PRICKLE1: variants seen among roughly 807,000 people sequenced by gnomAD.
PRICKLE1 encodes the protein prickle planar cell polarity protein 1.
A neutral mutation model predicts 70.2 loss-of-function variants in PRICKLE1; 14 were observed. The ratio of observed to expected loss-of-function variants is 0.20; its 90% CI spans 0.13 to 0.31. PRICKLE1 has a LOEUF of 0.31. PRICKLE1 is among the 10% of genes least tolerant of loss of function. The pLI is 1.00. For synonymous variants in PRICKLE1, 357 were observed against 379.9 expected, an observed-to-expected ratio of 0.94 and a Z score of 0.70; for missense variants, 821 against 1,026.2, an observed-to-expected ratio of 0.80 and a Z score of 2.73.
rs1484610269 is a variant in PRICKLE1, at chr12:42,498,174, CTCT to C, written c.-48-25613_-48-25611del. Among the ~76,000 whole-genome samples, 421 of 126,022 alleles carry C rather than the reference CTCT, an allele frequency of 3.3e-3. 4 individuals carry two copies. Among genetic ancestry groups the C allele is most frequent in the African/African-American group, 0.013 (369 of 28,584 alleles). 82.7% of individuals were successfully genotyped at this position (126,022 alleles called of 152,430 possible). A position where few individuals can be genotyped will look rare whatever the true frequency, so the allele number is the denominator to read the frequency against. On this transcript the variant is annotated intron_variant, in intron 1 of 7. Coordinates refer to ENST00000345127, the MANE Select transcript of PRICKLE1 (RefSeq NM_153026.3). ...CATTTTCTTTTTTTCTTTTCTCTCT[CTCT>C]TTTTTTTTTTTTGGAGACAGGGTCT...
At chr12:42,495,784 G>A (rs1314625147) in intron 1 of PRICKLE1, among the ~76,000 whole-genome samples, 1 of 151,878 alleles carries the variant, frequency 6.6e-6, no homozygotes, top group Non-Finnish European at 1.5e-5. Context: ...GTAGAGACGG[G>A]GTTTCACCGT....
intron 1 of PRICKLE1, among the ~76,000 whole-genome samples, chr12:42,491,780 CTT>C (rs57837176): frequency 1.4e-4 from 18 of 124,468 alleles, no homozygotes; most frequent in African/African-American, 1.5e-4. Context: ...ACTGCTCCAT[CTT>C]TTTTTTTTTT....
Position 42,458,546 on chromosome 12 carries a change from TC to T in PRICKLE1, c.*1262del, listed in dbSNP as rs1021057976. ...ACTTACAGTACTCAATGGCACAGCA[TC>T]CTCTAATTTAAAGATTTTAAAACAA... is the stretch of plus-strand genomic sequence containing the variant. On this transcript the variant is annotated 3_prime_UTR_variant, in exon 8 of 8. Transcript: ENST00000345127. 1.1e-4 allele frequency: 17 copies of T among 152,298 alleles called. No individual in the cohort carries two copies. The highest frequency in any genetic ancestry group is 4.1e-4 in the African/African-American group (17 of 41,566). 9.4% of individuals were successfully genotyped at this position (152,298 alleles called of 1,614,324 possible).
intron 1 of PRICKLE1, among the ~76,000 whole-genome samples, chr12:42,476,217 T>C (rs575710551): frequency 8.6e-5 from 13 of 151,314 alleles, no homozygotes; most frequent in Non-Finnish European, 1.8e-4. Flanking sequence ...AGTTTTGCTC[T>C]TGTTACCCAG....
chr12:42,559,449 T>C (rs1025895001), intron 1 of PRICKLE1, among the ~76,000 whole-genome samples: 1 of 151,812 alleles, frequency 6.6e-6, no homozygotes, highest in Admixed American at 6.6e-5. Context: ...GGTGCGATCA[T>C]AGATCACTAT....
At chr12:42,462,114 T>G (rs1256719289) in intron 7 of PRICKLE1, among the ~76,000 whole-genome samples, 1 of 152,174 alleles carries the variant, frequency 6.6e-6, no homozygotes, top group East Asian at 1.9e-4. Flanking sequence ...AACTTCATAC[T>G]TTTTAAAGGG....
intron 1 of PRICKLE1, among the ~76,000 whole-genome samples, chr12:42,584,166 A>C (rs1429774177): frequency 6.6e-6 from 1 of 152,194 alleles, no homozygotes; most frequent in African/African-American, 2.4e-5. Flanking sequence ...CCATTTTAAG[A>C]ATATTCTTAT....
intron 1 of PRICKLE1, among the ~76,000 whole-genome samples, chr12:42,532,578 T>C (rs1246823566): frequency 6.6e-6 from 1 of 152,210 alleles, no homozygotes; most frequent in African/African-American, 2.4e-5. Context: ...AAATTAGTAA[T>C]GAGATATTTT....
rs71794718 is a variant in PRICKLE1 at position 42,517,306 on chromosome 12, A to ATTTTTTT, written c.-48-44749_-48-44743dup. Among the ~76,000 whole-genome samples the ATTTTTTT allele has an allele frequency of 1.2e-3, 108 of 88,948 alleles. 12 individuals carry two copies. Among genetic ancestry groups the ATTTTTTT allele is most frequent in the African/African-American group, 4.0e-3 (88 of 22,190 alleles). The allele number at this position is 88,948 out of a possible 152,430, so 58.4% of individuals were successfully genotyped here. ...ACTAAATGTGTGTACTCAGTCTGCC[A>ATTTTTTT]TTTTTTTTTTTTTTTTTTTTTTTTG... On this transcript the variant is annotated intron_variant, in intron 1 of 7. Coordinates refer to ENST00000345127, the MANE Select transcript of PRICKLE1 (RefSeq NM_153026.3).
At chr12:42,559,627 T>A (rs1051055810) in intron 1 of PRICKLE1, among the ~76,000 whole-genome samples, 4,005 of 96,252 alleles carry the variant, frequency 0.042, 82 homozygotes, top group East Asian at 0.078. Flanking sequence ...TATATATATT[T>A]TTTTTTTTTG....
intron 1 of PRICKLE1, among the ~76,000 whole-genome samples, chr12:42,505,000 C>T (rs747445097): frequency 6.6e-6 from 1 of 152,006 alleles, no homozygotes; most frequent in Non-Finnish European, 1.5e-5. Context: ...ATTAGCCGAG[C>T]GTGGTGGCGG....
intron 1 of PRICKLE1, among the ~76,000 whole-genome samples, chr12:42,514,937 C>CTATCTATCTATG (rs1555235199): frequency 4.3e-5 from 6 of 139,096 alleles, no homozygotes; most frequent in Non-Finnish European, 7.9e-5. Context: ...ATCTATCTAT[C>CTATCTATCTATG]TATATTTTTT....
In PRICKLE1 at chr12:42,468,694, C is replaced by A. The variant is rs1160750296; in HGVS notation, c.520G>T (p.Asp174Tyr). The A allele has an allele frequency of 6.2e-7, 1 of 1,614,066 alleles. No homozygotes were observed. The highest frequency in any genetic ancestry group is 2.2e-5 in the East Asian group (1 of 44,876). ...LLVDLIYFYQDGKIHCGRHHA... is the reference protein window; with the variant it reads ...LLVDLIYFYQYGKIHCGRHHA... ...TGCCTGCCACAGTGAATTTTTCCAT[C>A]CTGATAAAAATAGATGAGGTCGACC... Residue 174 changes from aspartate (D) to tyrosine (Y), a missense_variant, in exon 5 of 8, where the codon GAT (aspartate) becomes TAT (tyrosine). By Grantham distance (160) the Asp-to-Tyr change is radical (BLOSUM62 -3). Transcript: ENST00000345127.
At chr12:42,466,527 G>A (rs1938104257) in intron 5 of PRICKLE1, 147 bp from the exon 6 acceptor site, 1 of 701,200 alleles carries the variant, frequency 1.4e-6, no homozygotes, top group South Asian at 1.7e-5. Context: ...AGAGTCACAA[G>A]CTTAAATCTA....
In PRICKLE1 at chr12:42,572,473, T is replaced by TA. The variant is rs1566132181; in HGVS notation, c.-49+16991dup. On this transcript the variant is annotated intron_variant, in intron 1 of 7. Transcript: ENST00000345127. ...TAAATAAATAAATAAATAAATAAATTAAAAATACTTGTTTTTAAAATAACG... is the reference window on the plus strand; with the variant it reads ...TAAATAAATAAATAAATAAATAAATTAAAAAATACTTGTTTTTAAAATAACG... Among the ~76,000 whole-genome samples the TA allele has an allele frequency of 5.4e-5, 8 of 148,170 alleles. No individual in the cohort carries two copies. In the East Asian group the frequency reaches 9.8e-4, roughly 18 times the overall value.
intron 1 of PRICKLE1, among the ~76,000 whole-genome samples, chr12:42,544,970 T>G (rs564925956): frequency 7.1e-6 from 1 of 141,490 alleles, no homozygotes; most frequent in East Asian, 2.1e-4. Context: ...AAAGAGCTCC[T>G]AGGACTACCA....
chr12:42,539,966 T>C (rs1940081936), intron 1 of PRICKLE1, among the ~76,000 whole-genome samples: 1 of 152,206 alleles, frequency 6.6e-6, no homozygotes, highest in Non-Finnish European at 1.5e-5. Context: ...CCAGTGGGCA[T>C]TCTAGGCGGT....
chr12:42,529,898 G>C (rs776919730), intron 1 of PRICKLE1, among the ~76,000 whole-genome samples: 8 of 151,188 alleles, frequency 5.3e-5, no homozygotes, highest in Admixed American at 3.3e-4. Context: ...CAAAAAAAAA[G>C]GAAAAAGGAA....
At position 42,464,701 on chromosome 12, in the gene PRICKLE1, A is replaced by T. The variant is rs751460514; in HGVS notation, c.1333T>A (p.Ser445Thr). Residue 445 changes from serine (S) to threonine (T), a missense_variant, in exon 7 of 8, where the codon TCT becomes ACT. Coordinates refer to ENST00000345127, the MANE Select transcript of PRICKLE1 (RefSeq NM_153026.3). This position sits in a 1 kb window ranked among gnomAD's most constrained non-coding sequence, Gnocchi z 4.2. The stretch of plus-strand genomic sequence containing the variant: ...GTCTTACTTTTAACCATGTTATCAG[A>T]TATCCAGTGCTCACTGGCTCGAATA... ...MDIRASEHWISDNMVKSKTEL... is the reference protein window; with the variant it reads ...MDIRASEHWITDNMVKSKTEL... The T allele has an allele frequency of 1.2e-6, 2 of 1,614,084 alleles. No individual in the cohort carries two copies. Among genetic ancestry groups the T allele is most frequent in the South Asian group, 2.2e-5 (2 of 91,078 alleles).
Sources: gnomAD v4.1 joint callset for allele counts (sites outside exome capture counted in the v4.1 genomes callset) on GRCh38, gnomAD v4.1.1 for gene constraint, Gnocchi (gnomAD v3.1) non-coding constraint, MANE v1.5 for transcripts, NCBI Gene and HGNC (gene_info 2026-07-23, HGNC 2026-07-21) for gene names.